MAN1A1: variants seen among roughly 807,000 people sequenced by gnomAD.
MAN1A1 encodes the protein mannosidase alpha class 1A member 1, also known as mannosyl-oligosaccharide 1,2-alpha-mannosidase IA.
A neutral mutation model predicts 70.8 loss-of-function variants in MAN1A1; 29 were observed. The ratio of observed to expected loss-of-function variants is 0.41; its 90% CI spans 0.31 to 0.56. MAN1A1 has a LOEUF of 0.56. Ranked by LOEUF, MAN1A1 falls within the 20% of genes least tolerant of loss-of-function variation. MAN1A1 has a pLI of 0.29. For synonymous variants in MAN1A1, 349 were observed against 330.1 expected, an observed-to-expected ratio of 1.06 and a Z score of -0.62; for missense variants, 747 against 841.3, an observed-to-expected ratio of 0.89 and a Z score of 1.39.
At chr6:119,245,905 T>A (rs1203514071) in intron 6 of MAN1A1, among the ~76,000 whole-genome samples, 1 of 152,116 alleles carries the variant, frequency 6.6e-6, no homozygotes, top group Non-Finnish European at 1.5e-5. Flanking sequence ...TATAAAAAAT[T>A]TGAATGCCCT....
chr6:119,231,269 A>G (rs1774667311), intron 6 of MAN1A1, among the ~76,000 whole-genome samples: 1 of 152,154 alleles, frequency 6.6e-6, no homozygotes, highest in Non-Finnish European at 1.5e-5. Flanking sequence ...AGGTCACTGG[A>G]TCATGGGGCA....
At chr6:119,313,836 T>A (rs1293685672) in intron 2 of MAN1A1, among the ~76,000 whole-genome samples, 2 of 152,024 alleles carry the variant, frequency 1.3e-5, no homozygotes, top group East Asian at 3.9e-4. Context: ...GTCAGAACAT[T>A]TGAAGGGCCA....
At chr6:119,344,920 G>A (rs1056337339) in intron 2 of MAN1A1, among the ~76,000 whole-genome samples, 1 of 152,116 alleles carries the variant, frequency 6.6e-6, no homozygotes, top group Admixed American at 6.6e-5. Context: ...AGAAAACTGT[G>A]ACCCCACAGG....
rs1773844422 is a variant in MAN1A1, at chr6:119,349,534, C to G, written c.-223+8G>C. On this transcript the variant is annotated splice_region_variant and intron_variant, in intron 1 of 12. Coordinates refer to ENST00000368468, the MANE Select transcript of MAN1A1 (RefSeq NM_005907.4). ...AGCGCGCGAGCACCTCGGGGAGGGG[C>G]AGCGCACCTCTGGGCAGGAGGGGCG... The G allele has an allele frequency of 1.4e-5, 14 of 985,928 alleles. No individual in the cohort carries two copies. Among genetic ancestry groups the G allele is most frequent in the African/African-American group, 1.7e-5 (1 of 57,254 alleles). 61.1% of individuals were successfully genotyped at this position (985,928 alleles called of 1,614,324 possible).
At chr6:119,267,243 T>G (rs1251244831) in intron 5 of MAN1A1, among the ~76,000 whole-genome samples, 2 of 152,216 alleles carry the variant, frequency 1.3e-5, no homozygotes, top group African/African-American at 4.8e-5. Context: ...GTATTTAAAC[T>G]AACGAACTGA....
intron 8 of MAN1A1, among the ~76,000 whole-genome samples, chr6:119,198,340 AG>A (rs1773629362): frequency 6.6e-6 from 1 of 152,172 alleles, no homozygotes; most frequent in East Asian, 1.9e-4. Context: ...CAGTGAGCTG[AG>A]GCTGTGCCAC....
At position 119,208,230 on chromosome 6, in the gene MAN1A1, C is replaced by A. The variant is rs545744242; in HGVS notation, c.993-3348G>T. ...AAGGATTCTGCAGCAGAACTTCCAA[C>A]TTCTACATCACTCTAATTATTTATT... On this transcript the variant is annotated intron_variant, in intron 6 of 12. Coordinates refer to ENST00000368468, the MANE Select transcript of MAN1A1 (RefSeq NM_005907.4). Among the ~76,000 whole-genome samples the A allele has an allele frequency of 7.9e-5, 12 of 152,314 alleles. No individual in the cohort carries two copies. The South Asian group carries it at 1.9e-3, about 24-fold the overall frequency.
At chr6:119,346,244 T>C (rs1423545643) in intron 2 of MAN1A1, among the ~76,000 whole-genome samples, 3 of 152,220 alleles carry the variant, frequency 2.0e-5, no homozygotes, top group African/African-American at 4.8e-5. Flanking sequence ...CTATTTACAA[T>C]GGGCAACCAC....
intron 5 of MAN1A1, among the ~76,000 whole-genome samples, chr6:119,282,885 T>C (rs2114401597): frequency 6.6e-6 from 1 of 152,304 alleles, no homozygotes; most frequent in Admixed American, 6.5e-5. Context: ...AAGGACCATA[T>C]ATGTACCTTG....
At chr6:119,285,139 T>TTTTTTTCTTTTC (rs112547134) in intron 5 of MAN1A1, among the ~76,000 whole-genome samples, 53,409 of 142,536 alleles carry the variant, frequency 0.37, 10,286 homozygotes, top group Non-Finnish European at 0.41. Flanking sequence ...GTAGCAGACT[T>TTTTTTTCTTTTC]TTTTTTTTTT....
chr6:119,293,598 G>A (rs373173900), intron 4 of MAN1A1, among the ~76,000 whole-genome samples: 40 of 152,074 alleles, frequency 2.6e-4, no homozygotes, highest in African/African-American at 8.2e-4. Flanking sequence ...AACCACATTC[G>A]AATTTCCAAC....
intron 4 of MAN1A1, among the ~76,000 whole-genome samples, chr6:119,294,715 G>T (rs1488196403): frequency 6.6e-6 from 1 of 152,034 alleles, no homozygotes; most frequent in Non-Finnish European, 1.5e-5. Context: ...TGGAGAAATT[G>T]TTCTTTCATT....
At chr6:119,258,677 AT>A (rs1304246146) in intron 5 of MAN1A1, among the ~76,000 whole-genome samples, 1 of 152,252 alleles carries the variant, frequency 6.6e-6, no homozygotes, top group African/African-American at 2.4e-5. Flanking sequence ...ACACTAGTGA[AT>A]TTTTTTCCTG....
intron 2 of MAN1A1, among the ~76,000 whole-genome samples, chr6:119,346,083 G>C (rs1773719604): frequency 6.6e-6 from 1 of 152,306 alleles, no homozygotes; most frequent in Admixed American, 6.5e-5. Context: ...TCCAGCCTGG[G>C]CAACAGAGCC....
chr6:119,248,300 T>C lies in MAN1A1; in HGVS notation c.952A>G (p.Thr318Ala). Reference protein sequence around the residue: ...LGVKLLPAFHTPSGIPWALLN... With the variant: ...LGVKLLPAFHAPSGIPWALLN... ...AATGCCCAAGGTATTCCAGAGGGAG[T>C]ATGAAATGCAGGTAGCAATTTTACC... Residue 318 changes from threonine to alanine, a missense_variant, in exon 6 of 13, where the codon ACT becomes GCT. Around this residue, in one of 2 missense-constraint regions of MAN1A1, gnomAD observed 419 missense variants for 548.2 expected, o/e 0.76. Transcript: ENST00000368468. 6.2e-7 allele frequency: 1 copy of C among 1,613,528 alleles called. No individual in the cohort carries two copies. Among genetic ancestry groups the C allele is most frequent in the Non-Finnish European group, 8.5e-7 (1 of 1,179,582 alleles).
intron 6 of MAN1A1, among the ~76,000 whole-genome samples, chr6:119,213,449 GAAT>G (rs1183503090): frequency 1.3e-5 from 2 of 151,998 alleles, no homozygotes; most frequent in African/African-American, 4.8e-5. Context: ...GGACAATAAA[GAAT>G]AAAAAATGAG....
At chr6:119,199,810 G>T (rs77600080) in intron 8 of MAN1A1, among the ~76,000 whole-genome samples, 1 of 151,996 alleles carries the variant, frequency 6.6e-6, no homozygotes, top group Non-Finnish European at 1.5e-5. Flanking sequence ...TACTCGGGGC[G>T]GGGGGCCGAG....
intron 7 of MAN1A1, among the ~76,000 whole-genome samples, chr6:119,201,936 G>A (rs1773722211): frequency 6.6e-6 from 1 of 152,130 alleles, no homozygotes; most frequent in Non-Finnish European, 1.5e-5. Flanking sequence ...GAAACTCGCA[G>A]GACTGGAAGT....
At chr6:119,305,273 T>C (rs1772497431) in intron 3 of MAN1A1, among the ~76,000 whole-genome samples, 1 of 152,178 alleles carries the variant, frequency 6.6e-6, no homozygotes, top group African/African-American at 2.4e-5. Context: ...GAGAACCAAA[T>C]AGTCCCTCTG....
Sources: allele counts gnomAD v4.1 joint callset (sites outside exome capture counted in the v4.1 genomes callset), GRCh38; gene constraint gnomAD v4.1.1; regional missense constraint gnomAD v4.1.1; transcripts MANE v1.5; gene names NCBI Gene and HGNC (gene_info 2026-07-23, HGNC 2026-07-21).